The following XXYLT1 variants were observed in gnomAD, a reference collection of about 807,000 sequenced individuals.
XXYLT1 encodes UDP-xylose:alpha-xyloside alpha-1,3-xylosyltransferase.
XXYLT1 carries 20 observed loss-of-function variants against 28.9 expected under a neutral mutation model. That is an observed-to-expected ratio of 0.69 (90% CI 0.49 to 1.00). The LOEUF is 1.00. Among genes scored for constraint, XXYLT1 ranks in the 50% least tolerant of loss-of-function variants. The pLI is 0.00. For missense variants in XXYLT1, 542 were observed against 560.1 expected, an observed-to-expected ratio of 0.97 and a Z score of 0.33; for synonymous variants, 257 against 253.8, an observed-to-expected ratio of 1.01 and a Z score of -0.12.
At chr3:195,211,490 T>C (rs574012084) in intron 2 of XXYLT1, among the ~76,000 whole-genome samples, 56 of 152,340 alleles carry the variant, frequency 3.7e-4, no homozygotes, top group Non-Finnish European at 6.8e-4. Context: ...AAAACGGTAT[T>C]CATTTAATTC....
chr3:195,193,865 T>G (rs938686695), intron 2 of XXYLT1, among the ~76,000 whole-genome samples: 9 of 152,122 alleles, frequency 5.9e-5, no homozygotes, highest in African/African-American at 1.7e-4. Context: ...AGAAAAGAAT[T>G]TGGACCTTTA....
chr3:195,249,355 A>G (rs1397739531), intron 1 of XXYLT1, among the ~76,000 whole-genome samples: 1 of 152,260 alleles, frequency 6.6e-6, no homozygotes. Flanking sequence ...AAACAGGCAT[A>G]GGGCTCACAT....
chr3:195,185,135 AAGGAAGGAAGG>A (rs1722136675), intron 2 of XXYLT1, among the ~76,000 whole-genome samples: 1 of 150,082 alleles, frequency 6.7e-6, no homozygotes, highest in Non-Finnish European at 1.5e-5. Context: ...GGAAGGAAGG[AAGGAAGGAAGG>A]AAGGAAAAAA....
chr3:195,133,955 T>C lies in XXYLT1; in HGVS notation c.785+22494A>G, dbSNP rs1719034304. On this transcript the variant is annotated intron_variant, in intron 3 of 3. Coordinates refer to ENST00000310380, the MANE Select transcript of XXYLT1 (RefSeq NM_152531.5). The surrounding 1 kb of genome is among the most constrained non-coding windows in gnomAD (Gnocchi z 4.4). ...GGCTGGGTGTGGAGGCTCATGCCTG[T>C]AATCCTGGCACTTTGGGAGGCTGAG... Among the ~76,000 whole-genome samples the C allele has an allele frequency of 6.6e-6, 1 of 152,200 alleles. No homozygotes were observed. The highest frequency in any genetic ancestry group is 6.5e-5 in the Admixed American group (1 of 15,278).
At chr3:195,200,333 T>C (rs368792570) in intron 2 of XXYLT1, among the ~76,000 whole-genome samples, 42 of 152,374 alleles carry the variant, frequency 2.8e-4, no homozygotes, top group African/African-American at 9.4e-4. Context: ...GCTGCTTCTT[T>C]ATCTGTAAAA....
intron 3 of XXYLT1, among the ~76,000 whole-genome samples, chr3:195,088,529 T>C (rs1404517471): frequency 7.9e-6 from 1 of 127,080 alleles, no homozygotes; most frequent in Non-Finnish European, 1.7e-5. Context: ...CATCTGTACA[T>C]CACCATCATC....
chr3:195,110,869 G>T (rs1717663087), intron 3 of XXYLT1, among the ~76,000 whole-genome samples: 3 of 129,316 alleles, frequency 2.3e-5, no homozygotes, highest in Admixed American at 7.8e-5. Flanking sequence ...GTGTGTGTGT[G>T]GTGTGTGGTG....
intron 1 of XXYLT1, among the ~76,000 whole-genome samples, chr3:195,248,763 T>C (rs1725136784): frequency 6.6e-6 from 1 of 151,780 alleles, no homozygotes; most frequent in Non-Finnish European, 1.5e-5. Context: ...ACTAAGAAAA[T>C]ACAAAAATTA....
intron 2 of XXYLT1, among the ~76,000 whole-genome samples, chr3:195,198,215 G>T (rs1194358075): frequency 6.6e-6 from 1 of 152,184 alleles, no homozygotes; most frequent in African/African-American, 2.4e-5. Context: ...AAGTATGCTT[G>T]GGAAGGAAGG....
At chr3:195,194,119 C>T (rs1722530990) in intron 2 of XXYLT1, among the ~76,000 whole-genome samples, 1 of 151,660 alleles carries the variant, frequency 6.6e-6, no homozygotes, top group Non-Finnish European at 1.5e-5. Context: ...TGAAAATAAG[C>T]CACAGACTGG....
intron 3 of XXYLT1, among the ~76,000 whole-genome samples, chr3:195,146,093 G>A (rs548544400): frequency 3.9e-5 from 6 of 152,314 alleles, no homozygotes; most frequent in South Asian, 2.1e-4. Flanking sequence ...CTTCAGATCC[G>A]TTTCACTTAG....
chr3:195,182,069 C>T (rs1356571372), intron 2 of XXYLT1, among the ~76,000 whole-genome samples: 1 of 152,190 alleles, frequency 6.6e-6, no homozygotes, highest in East Asian at 1.9e-4. Flanking sequence ...TTTACTCATT[C>T]ACTCATTGAT....
intron 3 of XXYLT1, among the ~76,000 whole-genome samples, chr3:195,080,210 G>A (rs78176774): frequency 0.025 from 3,755 of 152,280 alleles, 159 homozygotes; most frequent in African/African-American, 0.086. Context: ...CATCTGTGAC[G>A]AAGTGCTCAG....
At chr3:195,267,469 T>C (rs1725879479) in intron 1 of XXYLT1, among the ~76,000 whole-genome samples, 1 of 152,238 alleles carries the variant, frequency 6.6e-6, no homozygotes, top group Non-Finnish European at 1.5e-5. Context: ...CCTGTCATGC[T>C]ATATACTCCA....
At chr3:195,114,118 A>G (rs888700932) in intron 3 of XXYLT1, among the ~76,000 whole-genome samples, 1 of 152,234 alleles carries the variant, frequency 6.6e-6, no homozygotes, top group African/African-American at 2.4e-5. Flanking sequence ...CCAAGATTCA[A>G]TTAAGGAAGC....
At chr3:195,167,669 GC>G (rs1348673257) in intron 2 of XXYLT1, among the ~76,000 whole-genome samples, 1 of 152,180 alleles carries the variant, frequency 6.6e-6, no homozygotes, top group African/African-American at 2.4e-5. Flanking sequence ...TTATTAGCTG[GC>G]ATTCTACTCC....
chr3:195,172,497 C>G (rs1187853074), intron 2 of XXYLT1, among the ~76,000 whole-genome samples: 4 of 152,196 alleles, frequency 2.6e-5, no homozygotes, highest in Non-Finnish European at 5.9e-5. Context: ...GACATGGATG[C>G]CTTCCCTGTT....
chr3:195,215,634 T>A (rs1473220994), intron 2 of XXYLT1, among the ~76,000 whole-genome samples: 1 of 146,450 alleles, frequency 6.8e-6, no homozygotes, highest in African/African-American at 2.6e-5. Flanking sequence ...ATCCTAAATA[T>A]ATATGCACCC....
In XXYLT1 at chr3:195,180,018, A is replaced by G. The variant is rs571470515; in HGVS notation, c.653-23437T>C. Among the ~76,000 whole-genome samples, 9 of 152,158 alleles carry G rather than the reference A, an allele frequency of 5.9e-5. No homozygotes were observed. The highest frequency in any genetic ancestry group is 1.2e-4 in the Non-Finnish European group (8 of 68,022). ...CAGGCCGGGACTCCACACTGCAGGC[A>G]GAGTCGGGCCAGGGTGCGGCTGAGT... On this transcript the variant is annotated intron_variant, in intron 2 of 3. Transcript: ENST00000310380. The surrounding 1 kb of genome is among the most constrained non-coding windows in gnomAD (Gnocchi z 5.8).
Sources: gnomAD v4.1 joint callset for allele counts (sites outside exome capture counted in the v4.1 genomes callset) on GRCh38, gnomAD v4.1.1 for gene constraint, Gnocchi (gnomAD v3.1) non-coding constraint, MANE v1.5 for transcripts, NCBI Gene and HGNC (gene_info 2026-07-23, HGNC 2026-07-21) for gene names.